The following FMO3 variants were observed in gnomAD, a reference collection of about 807,000 sequenced individuals.
The protein encoded by FMO3 is flavin-containing monooxygenase 3.
In FMO3, 40 loss-of-function variants were observed where a neutral mutation model predicts 39.4. The observed-to-expected ratio is 1.02, with a 90% CI of 0.79 to 1.32. The LOEUF (loss-of-function observed/expected upper bound fraction) is 1.32. Ranked by LOEUF, FMO3 falls within the 40% of genes most tolerant of loss-of-function variation. FMO3 has a pLI of 0.00. For missense variants in FMO3, 680 were observed against 651.8 expected (o/e 1.04, Z -0.47); for synonymous variants, 219 against 228.8 (o/e 0.96, Z 0.39).
Position 171,108,164 on chromosome 1 carries a change from T to C in FMO3, c.570T>C (p.Val190=). The C allele has an allele frequency of 6.2e-7, 1 of 1,613,966 alleles. No individual in the cohort carries two copies. Among genetic ancestry groups the C allele is most frequent in the Non-Finnish European group, 8.5e-7 (1 of 1,179,918 alleles). The change falls in exon 5 of 9, where the codon GTT becomes GTC. Residue 190 remains valine, a synonymous_variant. Transcript: ENST00000367755. ...GVFNGKRVLV[V]GLGNSGCDIA... ...TCAATGGAAAGCGTGTCCTGGTGGT[T>C]GGCCTGGGGAATTCGGGCTGTGATA...
intron 2 of FMO3, among the ~76,000 whole-genome samples, chr1:171,095,726 T>C (rs1165210917): frequency 7.5e-6 from 1 of 133,782 alleles, no homozygotes; most frequent in Non-Finnish European, 1.6e-5. Context: ...ATATGGTATG[T>C]TTCTTTTATA....
intron 5 of FMO3, among the ~76,000 whole-genome samples, chr1:171,110,348 T>C (rs1232742474): frequency 6.6e-6 from 1 of 152,184 alleles, no homozygotes; most frequent in Non-Finnish European, 1.5e-5. Flanking sequence ...TAGTCACCTG[T>C]AGCAGAGATT....
chr1:171,114,260 C>G lies in FMO3; in HGVS notation c.1081C>G (p.Leu361Val). 1 of 1,613,942 alleles carries G rather than the reference C, an allele frequency of 6.2e-7. No homozygotes were observed. Among genetic ancestry groups the G allele is most frequent in the South Asian group, 1.1e-5 (1 of 91,088 alleles). ...ATTTAAAGGAGTATTTCCTCCTCTA[C>G]TTGAGAAGTCAACCATAGCAGTGAT... ...ILFKGVFPPL[L>V]EKSTIAVIGF... The change falls in exon 7 of 9, where the codon CTT (leucine) becomes GTT (valine). Residue 361 changes from leucine to valine, a missense_variant. Transcript: ENST00000367755.
chr1:171,100,562 T>G (rs567350668), intron 2 of FMO3: 2 of 152,520 alleles, frequency 1.3e-5, no homozygotes, highest in Non-Finnish European at 2.9e-5. Context: ...AAATTTTGCC[T>G]CATCCTGGTC....
At chr1:171,106,375 G>A (rs969362472) in intron 3 of FMO3, among the ~76,000 whole-genome samples, 1 of 152,028 alleles carries the variant, frequency 6.6e-6, no homozygotes, top group Non-Finnish European at 1.5e-5. Flanking sequence ...CCCAACGTCA[G>A]GTGATCTACC....
intron 2 of FMO3, chr1:171,100,270 A>G (rs1339517703): frequency 6.6e-6 from 1 of 152,228 alleles, no homozygotes; most frequent in Non-Finnish European, 1.5e-5. Context: ...GCATAGGTTG[A>G]TAAAACTGAA....
intron 2 of FMO3, among the ~76,000 whole-genome samples, chr1:171,098,277 C>G (rs1655198678): frequency 6.6e-6 from 1 of 152,146 alleles, no homozygotes. Context: ...AATGCGGGCT[C>G]TTTTTTGGTT....
chr1:171,117,117 C>T lies in FMO3; in HGVS notation c.1274C>T (p.Thr425Ile), dbSNP rs757111377. ...KKRKWFGKSE[T>I]IQTDYIVYMD... is the part of the protein sequence containing the mutation. The stretch of plus-strand genomic sequence containing the variant: ...ATCTCCAGGTTTGGCAAAAGCGAGA[C>T]CATACAGACAGATTACATTGTTTAT... The change falls in exon 9 of 9, where the codon ACC (threonine) becomes ATC (isoleucine). Residue 425 changes from threonine (T) to isoleucine (I), a missense_variant. Thr to Ile is a moderately conservative substitution (Grantham distance 89, BLOSUM62 -1). Coordinates refer to ENST00000367755, the MANE Select transcript of FMO3 (RefSeq NM_001002294.3). 1 of 1,613,958 alleles carries T rather than the reference C, an allele frequency of 6.2e-7. No homozygotes were observed. The highest frequency in any genetic ancestry group is 1.3e-5 in the African/African-American group (1 of 74,950).
At chr1:171,092,975 T>C (rs1315867869) in intron 2 of FMO3, among the ~76,000 whole-genome samples, 185 bp downstream of exon 2, 1 of 152,158 alleles carries the variant, frequency 6.6e-6, no homozygotes, top group East Asian at 1.9e-4. Flanking sequence ...AGAAGTAAAT[T>C]AGACAATGGG....
intron 2 of FMO3, among the ~76,000 whole-genome samples, chr1:171,095,764 T>C (rs976583070): frequency 7.6e-5 from 10 of 131,766 alleles, no homozygotes; most frequent in Non-Finnish European, 1.1e-4. Context: ...AAATATATAT[T>C]TAATATATAT....
chr1:171,107,561 A>G, intron 3 of FMO3, 114 bp from the exon 4 acceptor site: 2 of 763,900 alleles, frequency 2.6e-6, no homozygotes, highest in African/African-American at 1.7e-5. Context: ...AATTTGTAAT[A>G]TGTATCTTAA....
At chr1:171,093,124 CT>C (rs11317520) in intron 2 of FMO3, among the ~76,000 whole-genome samples, 39,433 of 148,452 alleles carry the variant, frequency 0.27, 5,201 homozygotes, top group East Asian at 0.39. Flanking sequence ...CTTTTCACAT[CT>C]TTTTTTTTTT....
At position 171,110,808 on chromosome 1, in the gene FMO3, G is replaced by A. The variant is rs1381539161; in HGVS notation, c.638G>A (p.Ser213Asn). The A allele has an allele frequency of 6.2e-7, 1 of 1,613,888 alleles. No homozygotes were observed. Among genetic ancestry groups the A allele is most frequent in the East Asian group, 2.2e-5 (1 of 44,858 alleles). The change falls in exon 6 of 9, where the codon AGT becomes AAT. Residue 213 changes from serine (S) to asparagine (N), a missense_variant. Ser to Asn is a conservative substitution (Grantham distance 46). Coordinates refer to ENST00000367755, the MANE Select transcript of FMO3 (RefSeq NM_001002294.3). Reference protein sequence around the residue: ...LSRTAEQVMISSRSGSWVMSR... With the variant: ...LSRTAEQVMINSRSGSWVMSR... ...TTGGTGTTTTTTAAGGTCATGATCA[G>A]TTCCAGAAGTGGCTCCTGGGTGATG...
chr1:171,103,753 A>C (rs2066531), intron 2 of FMO3, 32 bp from the exon 3 acceptor site: 704 of 1,555,750 alleles, frequency 4.5e-4, no homozygotes, highest in Non-Finnish European at 5.7e-4. Context: ...TCATTTACCA[A>C]TTCGCTTCCA....
chr1:171,101,797 A>T, intron 2 of FMO3: 1 of 501,862 alleles, frequency 2.0e-6, no homozygotes, highest in South Asian at 1.5e-5. Context: ...GGATCTGGGC[A>T]AAATGTCCTC....
chr1:171,108,629 T>C (rs1655758559), intron 5 of FMO3, among the ~76,000 whole-genome samples: 1 of 152,144 alleles, frequency 6.6e-6, no homozygotes, highest in South Asian at 2.1e-4. Flanking sequence ...TTAAAGCTTT[T>C]GAACAAGACT....
At chr1:171,107,119 G>A (rs1655676692) in intron 3 of FMO3, among the ~76,000 whole-genome samples, 2 of 152,120 alleles carry the variant, frequency 1.3e-5, no homozygotes, top group Admixed American at 1.3e-4. Flanking sequence ...CACACCAACA[G>A]GCAGCCATTT....
chr1:171,115,799 C>T (rs1656120475), intron 7 of FMO3, among the ~76,000 whole-genome samples: 1 of 152,084 alleles, frequency 6.6e-6, no homozygotes, highest in African/African-American at 2.4e-5. Flanking sequence ...AAAAACTTAG[C>T]CCTTCACCAA....
intron 3 of FMO3, among the ~76,000 whole-genome samples, chr1:171,105,962 G>C (rs1655616917): frequency 6.6e-6 from 1 of 151,826 alleles, no homozygotes; most frequent in Non-Finnish European, 1.5e-5. Flanking sequence ...GTAGCCACTA[G>C]TCACAAAACT....
Sources: allele counts gnomAD v4.1 joint callset (sites outside exome capture counted in the v4.1 genomes callset), GRCh38; gene constraint gnomAD v4.1.1; transcripts MANE v1.5; gene names NCBI Gene and HGNC (gene_info 2026-07-23, HGNC 2026-07-21).